COL4A6: variants seen among roughly 807,000 people sequenced by gnomAD.
The protein encoded by COL4A6 is collagen type IV alpha 6 chain.
In COL4A6, 59 loss-of-function variants were observed where a neutral mutation model predicts 126.7. That is an observed-to-expected ratio of 0.47 (90% CI 0.38 to 0.58). COL4A6 has a LOEUF of 0.58. Among genes scored for constraint, COL4A6 ranks in the 20% least tolerant of loss-of-function variants. COL4A6 has a pLI of 0.00. For synonymous variants in COL4A6, 547 were observed against 496.6 expected (o/e 1.10, Z -1.35); for missense variants, 1,285 against 1,337.3 (o/e 0.96, Z 0.61).
chrX:108,315,245 C>T (rs774578929), intron 2 of COL4A6, among the ~76,000 whole-genome samples: 2 of 111,946 alleles, frequency 1.8e-5, no homozygotes, highest in Admixed American at 9.5e-5. Context: ...ACTGCACTCA[C>T]TTAACTTTTT....
chrX:108,321,062 G>T (rs1603085269), intron 2 of COL4A6, among the ~76,000 whole-genome samples: 2 of 111,770 alleles, frequency 1.8e-5, no homozygotes, highest in Middle Eastern at 9.3e-3. Flanking sequence ...ACTTTATAGG[G>T]TTTAGTGAGG....
chrX:108,246,138 A>G (rs760488895), intron 3 of COL4A6, among the ~76,000 whole-genome samples: 2 of 111,654 alleles, frequency 1.8e-5, no homozygotes, highest in African/African-American at 6.5e-5. Flanking sequence ...ATAGAGTCAG[A>G]TTTGGGTTGG....
At chrX:108,209,562 A>G (rs1373540787) in intron 8 of COL4A6, among the ~76,000 whole-genome samples, 1 of 112,454 alleles carries the variant, frequency 8.9e-6, no homozygotes, top group Non-Finnish European at 1.9e-5. Flanking sequence ...ACATGGACTC[A>G]CCATTATCAA....
At chrX:108,165,945 C>G (rs2034116612) in intron 37 of COL4A6, among the ~76,000 whole-genome samples, 1 of 112,738 alleles carries the variant, frequency 8.9e-6, no homozygotes, top group Non-Finnish European at 1.9e-5. Flanking sequence ...GAACAGACAC[C>G]AGGCCGATCA....
chrX:108,312,323 A>G (rs1317125675), intron 2 of COL4A6, among the ~76,000 whole-genome samples: 1 of 112,296 alleles, frequency 8.9e-6, no homozygotes, highest in Non-Finnish European at 1.9e-5. Flanking sequence ...AATAAGGTAA[A>G]GATGGCAAAG....
chrX:108,159,724 C>A lies in COL4A6; in HGVS notation c.4550G>T (p.Arg1517Leu). Residue 1517 changes from arginine (R) to leucine (L), a missense_variant, in exon 44 of 45, where the codon CGC becomes CTC. Transcript: ENST00000334504. ...DLGFAGSCLP[R>L]FSTMPFIYCN... The stretch of plus-strand genomic sequence containing the variant: ...GTAGATGAAGGGCATGGTGCTGAAG[C>A]GGGGCAGACAGGAGCCAGCAAAGCC... 1 of 1,211,552 alleles carries A rather than the reference C, an allele frequency of 8.3e-7. No individual in the cohort carries two copies. The highest frequency in any genetic ancestry group is 1.1e-6 in the Non-Finnish European group (1 of 895,488).
At chrX:108,355,434 T>G (rs1479397314) in intron 2 of COL4A6, among the ~76,000 whole-genome samples, 1 of 112,924 alleles carries the variant, frequency 8.9e-6, no homozygotes, top group Admixed American at 9.4e-5. Flanking sequence ...AGTATTTGTT[T>G]ATTCATTCAA....
chrX:108,194,460 A>G, intron 16 of COL4A6, 74 bp downstream of exon 16: 1 of 975,671 alleles, frequency 1.0e-6, no homozygotes, highest in Non-Finnish European at 1.4e-6. Flanking sequence ...AAAATACTTC[A>G]TCTTATATAC....
chrX:108,325,080 T>C (rs1603091878), intron 2 of COL4A6, among the ~76,000 whole-genome samples: 2 of 111,956 alleles, frequency 1.8e-5, no homozygotes, highest in Non-Finnish European at 3.8e-5. Context: ...TCCCTTCTCA[T>C]AGGCAGAAAA....
intron 2 of COL4A6, among the ~76,000 whole-genome samples, chrX:108,320,244 C>A (rs1467805934): frequency 1.8e-5 from 2 of 111,713 alleles, no homozygotes; most frequent in Non-Finnish European, 3.8e-5. Context: ...TGTGGCAGGA[C>A]TGCAAGGCAG....
chrX:108,250,826 C>T (rs1291696666), intron 3 of COL4A6, among the ~76,000 whole-genome samples: 1 of 112,093 alleles, frequency 8.9e-6, no homozygotes, highest in Non-Finnish European at 1.9e-5. Flanking sequence ...TTCATTCTGC[C>T]TTGATGAGAG....
At chrX:108,402,471 T>C (rs1405907659) in intron 2 of COL4A6, among the ~76,000 whole-genome samples, 2 of 111,064 alleles carry the variant, frequency 1.8e-5, no homozygotes, top group African/African-American at 6.5e-5. Context: ...CTCCGCTGCA[T>C]GTTTGTTTTC....
chrX:108,207,248 G>T (rs1457476595), intron 8 of COL4A6, among the ~76,000 whole-genome samples: 4 of 100,433 alleles, frequency 4.0e-5, no homozygotes, highest in Non-Finnish European at 5.9e-5. Context: ...AACACCGCAT[G>T]TTCACACTTA....
At chrX:108,231,314 C>T (rs2148292603) in intron 3 of COL4A6, among the ~76,000 whole-genome samples, 1 of 112,200 alleles carries the variant, frequency 8.9e-6, no homozygotes, top group Admixed American at 9.4e-5. Context: ...TACATACACC[C>T]ATTCCACTGG....
intron 2 of COL4A6, among the ~76,000 whole-genome samples, chrX:108,350,378 C>T (rs887212933): frequency 2.2e-4 from 24 of 110,900 alleles, no homozygotes; most frequent in Non-Finnish European, 4.0e-4. Context: ...GTTCTCAAAC[C>T]AGCATTATCA....
At chrX:108,315,510 T>C (rs1029031597) in intron 2 of COL4A6, among the ~76,000 whole-genome samples, 1 of 112,161 alleles carries the variant, frequency 8.9e-6, no homozygotes, top group African/African-American at 3.3e-5. Context: ...AAATTATTTT[T>C]AAATGCTAAA....
chrX:108,228,415 T>C (rs2036225488), intron 3 of COL4A6, among the ~76,000 whole-genome samples: 1 of 112,407 alleles, frequency 8.9e-6, no homozygotes, highest in Non-Finnish European at 1.9e-5. Context: ...TGAATATACA[T>C]GTAGGGGCTG....
intron 2 of COL4A6, among the ~76,000 whole-genome samples, chrX:108,341,918 G>A (rs143036165): frequency 0.031 from 3,495 of 112,190 alleles, 125 homozygotes; most frequent in African/African-American, 0.11. Context: ...ATACAGCAGA[G>A]GTTCCAGGCT....
At position 108,170,697 on chromosome X, in the gene COL4A6, G is replaced by A. The variant is rs2034273352; in HGVS notation, c.3405C>T (p.Gly1135=). ...CTGGAAGTCCTGGTTCTCCTCTCAT[G>A]CCGGCAACTCCTGGAAATCCTAAAT... ...PGAPGFPGVA[G]MRGEPGLPGS... is the part of the protein sequence containing the mutation. The change falls in exon 35 of 45, where the codon GGC becomes GGT. Residue 1135 remains glycine (G), a synonymous_variant. Coordinates refer to ENST00000334504, the MANE Select transcript of COL4A6 (RefSeq NM_033641.4). The A allele has an allele frequency of 8.3e-7, 1 of 1,205,203 alleles. No homozygotes were observed. The highest frequency in any genetic ancestry group is 1.8e-5 in the South Asian group (1 of 55,910).
Sources: allele counts gnomAD v4.1 joint callset (sites outside exome capture counted in the v4.1 genomes callset), GRCh38; gene constraint gnomAD v4.1.1; transcripts MANE v1.5; gene names NCBI Gene and HGNC (gene_info 2026-07-23, HGNC 2026-07-21).